WWOX: variants seen among roughly 807,000 people sequenced by gnomAD.
The protein encoded by WWOX is WW domain-containing oxidoreductase.
In WWOX, 69 loss-of-function variants were observed where a neutral mutation model predicts 46.2. The ratio of observed to expected loss-of-function variants is 1.49; its 90% CI spans 1.23 to 1.82. WWOX has a LOEUF of 1.82. Ranked by LOEUF, WWOX falls within the 40% of genes most tolerant of loss-of-function variation. The probability of loss-of-function intolerance (pLI) is 0.00; values close to 1 mark genes in which losing one functional copy is unlikely to be tolerated. For synonymous variants in WWOX, 359 were observed against 202.6 expected (o/e 1.77, Z -6.56); for missense variants, 919 against 542.6 (o/e 1.69, Z -6.89).
chr16:78,806,896 G>C (rs746091269), intron 8 of WWOX, among the ~76,000 whole-genome samples: 1 of 152,098 alleles, frequency 6.6e-6, no homozygotes, highest in Non-Finnish European at 1.5e-5. Flanking sequence ...TGGGATATTG[G>C]GAAAAGAATG....
intron 8 of WWOX, among the ~76,000 whole-genome samples, chr16:78,879,742 T>G (rs2044305354): frequency 1.3e-5 from 2 of 152,096 alleles, no homozygotes; most frequent in African/African-American, 4.8e-5. Context: ...CCAGGCATGG[T>G]GGCACATGCC....
chr16:78,628,294 C>T (rs746218744), intron 8 of WWOX, among the ~76,000 whole-genome samples: 4 of 152,116 alleles, frequency 2.6e-5, no homozygotes, highest in African/African-American at 7.2e-5. Flanking sequence ...TGAAGTTTCC[C>T]TTTCTTTTCA....
At position 79,180,350 on chromosome 16, in the gene WWOX, A is replaced by G. The variant is rs146046914; in HGVS notation, c.1057-31258A>G. Reference sequence around the variant, plus strand: ...TATTAGTTGTGTACTGAATGGATCAATAGTGATTTGAATACTATAAATCTA... The same window carrying G: ...TATTAGTTGTGTACTGAATGGATCAGTAGTGATTTGAATACTATAAATCTA... On this transcript the variant is annotated intron_variant, in intron 8 of 8. Coordinates refer to ENST00000566780, the MANE Select transcript of WWOX (RefSeq NM_016373.4). Among the ~76,000 whole-genome samples, 1,106 of 152,344 alleles carry G rather than the reference A, an allele frequency of 7.3e-3. 14 individuals are homozygous for G. The highest frequency in any genetic ancestry group is 0.025 in the African/African-American group (1,024 of 41,576).
At chr16:78,769,826 G>A (rs544439312) in intron 8 of WWOX, among the ~76,000 whole-genome samples, 2 of 150,804 alleles carry the variant, frequency 1.3e-5, no homozygotes, top group African/African-American at 4.9e-5. Context: ...GGACAACATA[G>A]GGAGGTCCTG....
At chr16:78,840,846 C>A (rs1223915362) in intron 8 of WWOX, among the ~76,000 whole-genome samples, 2 of 151,828 alleles carry the variant, frequency 1.3e-5, no homozygotes, top group African/African-American at 4.8e-5. Flanking sequence ...AATTGGTAAT[C>A]CCCCAGGGGA....
At chr16:78,859,982 C>G (rs1397574826) in intron 8 of WWOX, among the ~76,000 whole-genome samples, 2 of 152,024 alleles carry the variant, frequency 1.3e-5, no homozygotes, top group African/African-American at 4.8e-5. Context: ...ATAGCTATAG[C>G]AAATAGCTAT....
intron 8 of WWOX, among the ~76,000 whole-genome samples, chr16:78,918,933 C>G (rs765679382): frequency 3.9e-5 from 6 of 152,088 alleles, no homozygotes; most frequent in Non-Finnish European, 8.8e-5. Flanking sequence ...ATTGTGGTTA[C>G]TTGTGGTAAG....
chr16:78,976,376 A>T (rs1156734000), intron 8 of WWOX, among the ~76,000 whole-genome samples: 2 of 152,208 alleles, frequency 1.3e-5, no homozygotes, highest in African/African-American at 2.4e-5. Context: ...CACTCCCAGC[A>T]CTCAGGGCTG....
chr16:78,104,228 C>CAA (rs1159458036), intron 1 of WWOX, among the ~76,000 whole-genome samples: 2 of 83,052 alleles, frequency 2.4e-5, no homozygotes, highest in African/African-American at 8.7e-5. Flanking sequence ...ACACTGTGCT[C>CAA]AAAACACACA....
chr16:78,713,876 A>C (rs1235261747), intron 8 of WWOX, among the ~76,000 whole-genome samples: 14 of 152,144 alleles, frequency 9.2e-5, no homozygotes, highest in Admixed American at 9.2e-4. Context: ...TCCTGATCTG[A>C]ATATGATTTG....
intron 5 of WWOX, among the ~76,000 whole-genome samples, chr16:78,365,023 G>C (rs545585832): frequency 6.6e-6 from 1 of 152,238 alleles, no homozygotes; most frequent in Non-Finnish European, 1.5e-5. Flanking sequence ...TTGAGCTGTG[G>C]GTAATTCTTT....
intron 5 of WWOX, among the ~76,000 whole-genome samples, chr16:78,367,749 C>T (rs1287568679): frequency 3.3e-5 from 5 of 151,694 alleles, no homozygotes; most frequent in Non-Finnish European, 5.9e-5. Context: ...TTTGGGCCAA[C>T]CTCTTTTTTT....
chr16:78,892,571 T>C (rs941680995), intron 8 of WWOX, among the ~76,000 whole-genome samples: 1 of 152,184 alleles, frequency 6.6e-6, no homozygotes, highest in Non-Finnish European at 1.5e-5. Flanking sequence ...TCCTCCACAT[T>C]TTATCCAAAG....
At chr16:78,707,448 T>A (rs1052393259) in intron 8 of WWOX, among the ~76,000 whole-genome samples, 3 of 152,230 alleles carry the variant, frequency 2.0e-5, no homozygotes, top group Admixed American at 6.5e-5. Flanking sequence ...GGACATCTTC[T>A]TGGGCTAGTT....
rs76612250 is a variant in WWOX at position 78,990,486 on chromosome 16, A to C, written c.1057-221122A>C. Among the ~76,000 whole-genome samples the C allele has an allele frequency of 5.4e-3, 817 of 152,274 alleles. 13 individuals carry two copies. Among genetic ancestry groups the C allele is most frequent in the African/African-American group, 0.018 (768 of 41,538 alleles). On this transcript the variant is annotated intron_variant, in intron 8 of 8. Transcript: ENST00000566780. ...AAAGGTCAACAGCTGTGTTACTGCAAACTCTGTGGCCTGCATTCTATCAAT... is the reference window on the plus strand; with the variant it reads ...AAAGGTCAACAGCTGTGTTACTGCACACTCTGTGGCCTGCATTCTATCAAT...
chr16:78,170,620 G>A (rs907581635), intron 5 of WWOX, among the ~76,000 whole-genome samples: 9 of 152,166 alleles, frequency 5.9e-5, no homozygotes, highest in African/African-American at 1.7e-4. Context: ...TAATGGATGT[G>A]TATTTAGTTT....
intron 8 of WWOX, among the ~76,000 whole-genome samples, chr16:78,590,192 A>G (rs1466555467): frequency 6.6e-6 from 1 of 150,426 alleles, no homozygotes; most frequent in African/African-American, 2.5e-5. Flanking sequence ...TAAAAAAATT[A>G]TAAATAGAAA....
chr16:78,778,408 G>C (rs1437903807), intron 8 of WWOX, among the ~76,000 whole-genome samples: 2 of 152,158 alleles, frequency 1.3e-5, no homozygotes, highest in East Asian at 3.9e-4. Flanking sequence ...AAATATGCCG[G>C]TATTGACATA....
chr16:78,306,831 TCACTCCTTCCCACAATCCCCACTGAGCCC>T (rs969725153), intron 5 of WWOX, among the ~76,000 whole-genome samples: 1 of 150,502 alleles, frequency 6.6e-6, no homozygotes, highest in Admixed American at 6.6e-5. Flanking sequence ...CCTGTAAATC[TCACTCCTTCCCACAATCCCCACTGAGCCC>T]CACTCCTTCC....
Sources: allele counts gnomAD v4.1 joint callset (sites outside exome capture counted in the v4.1 genomes callset), GRCh38; gene constraint gnomAD v4.1.1; transcripts MANE v1.5; gene names NCBI Gene and HGNC (gene_info 2026-07-23, HGNC 2026-07-21).